Variants in GPR158 observed in about 807,000 individuals in gnomAD.
GPR158 encodes metabotropic glycine receptor.
A neutral mutation model predicts 78.2 loss-of-function variants in GPR158; 30 were observed. The observed-to-expected ratio is 0.38, with a 90% CI of 0.29 to 0.52. The LOEUF (loss-of-function observed/expected upper bound fraction) is 0.52, where lower values mean the gene tolerates loss of function less well. GPR158 is among the 20% of genes least tolerant of loss of function. GPR158 has a pLI of 0.83. For missense variants in GPR158, 1,463 were observed against 1,523.5 expected (o/e 0.96, Z 0.66); for synonymous variants, 581 against 591.1 (o/e 0.98, Z 0.25).
chr10:25,465,618 C>T (rs1372022143), intron 4 of GPR158, among the ~76,000 whole-genome samples: 1 of 152,114 alleles, frequency 6.6e-6, no homozygotes, highest in Non-Finnish European at 1.5e-5. Flanking sequence ...AGGTGAGATA[C>T]CCTTGTTATT....
chr10:25,439,404 G>T (rs898255316), intron 4 of GPR158, among the ~76,000 whole-genome samples: 1 of 152,134 alleles, frequency 6.6e-6, no homozygotes, highest in East Asian at 1.9e-4. Flanking sequence ...CCCACAATAC[G>T]TGGGAATTAT....
At chr10:25,536,602 T>G (rs1346309069) in intron 5 of GPR158, among the ~76,000 whole-genome samples, 1 of 152,226 alleles carries the variant, frequency 6.6e-6, no homozygotes, top group Non-Finnish European at 1.5e-5. Context: ...TGTTTCTGCA[T>G]TTGTCCATTT....
chr10:25,301,896 C>T (rs994365224), intron 2 of GPR158, among the ~76,000 whole-genome samples: 7 of 152,118 alleles, frequency 4.6e-5, no homozygotes, highest in Admixed American at 4.6e-4. Context: ...TGTCCTCCTA[C>T]CTCCTCTGCC....
At chr10:25,323,397 A>T (rs1193427287) in intron 2 of GPR158, among the ~76,000 whole-genome samples, 1 of 152,162 alleles carries the variant, frequency 6.6e-6, no homozygotes, top group Non-Finnish European at 1.5e-5. Flanking sequence ...GGAAACTTTG[A>T]AGCTAGGCAT....
chr10:25,218,130 T>C (rs892962822), intron 1 of GPR158, among the ~76,000 whole-genome samples: 1 of 151,814 alleles, frequency 6.6e-6, no homozygotes, highest in Non-Finnish European at 1.5e-5. Flanking sequence ...TTCTGTTATA[T>C]CCCCCAAACC....
intron 5 of GPR158, among the ~76,000 whole-genome samples, chr10:25,501,728 G>T (rs1360392874): frequency 6.6e-6 from 1 of 152,164 alleles, no homozygotes; most frequent in Non-Finnish European, 1.5e-5. Context: ...TGCAAACTGG[G>T]TTGATGAGGG....
At chr10:25,348,942 A>T (rs74123866) in intron 2 of GPR158, among the ~76,000 whole-genome samples, 8,850 of 152,072 alleles carry the variant, frequency 0.058, 656 homozygotes, top group African/African-American at 0.18. Context: ...TCTGATGTTC[A>T]TTATTATTTC....
intron 2 of GPR158, among the ~76,000 whole-genome samples, chr10:25,345,880 G>A (rs1386063723): frequency 1.3e-5 from 2 of 151,912 alleles, no homozygotes; most frequent in Non-Finnish European, 2.9e-5. Context: ...TATGGCATTA[G>A]GCAGAAGACA....
intron 5 of GPR158, among the ~76,000 whole-genome samples, chr10:25,489,111 G>A (rs766403115): frequency 6.6e-6 from 1 of 152,078 alleles, no homozygotes; most frequent in Non-Finnish European, 1.5e-5. Flanking sequence ...TGAAATCCTA[G>A]TTAAAAGGGA....
intron 1 of GPR158, among the ~76,000 whole-genome samples, chr10:25,193,033 A>AT (rs1852794994): frequency 6.6e-6 from 1 of 152,124 alleles, no homozygotes; most frequent in Admixed American, 6.6e-5. Flanking sequence ...CAATTTACGT[A>AT]TTTTCAACTT....
chr10:25,427,002 C>T (rs1407906838), intron 4 of GPR158, among the ~76,000 whole-genome samples: 1 of 151,648 alleles, frequency 6.6e-6, no homozygotes, highest in Non-Finnish European at 1.5e-5. Context: ...TATTTTTTTG[C>T]TATACATCTC....
chr10:25,303,535 G>A (rs1854628472), intron 2 of GPR158, among the ~76,000 whole-genome samples: 1 of 152,146 alleles, frequency 6.6e-6, no homozygotes, highest in Non-Finnish European at 1.5e-5. Context: ...TCATCTTCCC[G>A]AAATACCTTG....
intron 4 of GPR158, among the ~76,000 whole-genome samples, chr10:25,418,866 G>C (rs1354774836): frequency 1.3e-5 from 2 of 149,964 alleles, no homozygotes; most frequent in African/African-American, 2.5e-5. Flanking sequence ...ACTGTAGTTG[G>C]TATTTTCTCC....
intron 7 of GPR158, 143 bp downstream of exon 7, chr10:25,573,030 G>A (rs1837033236): frequency 6.3e-6 from 4 of 631,554 alleles, no homozygotes; most frequent in Non-Finnish European, 8.5e-6. Context: ...ACATGGAAAT[G>A]GCAGTAATGG....
At chr10:25,322,400 A>G (rs1347233239) in intron 2 of GPR158, among the ~76,000 whole-genome samples, 1 of 152,156 alleles carries the variant, frequency 6.6e-6, no homozygotes, top group Non-Finnish European at 1.5e-5. Context: ...AAGAAAAAAA[A>G]AGAAAAATCA....
chr10:25,319,407 C>G (rs927949592), intron 2 of GPR158, among the ~76,000 whole-genome samples: 5 of 152,086 alleles, frequency 3.3e-5, no homozygotes, highest in Non-Finnish European at 5.9e-5. Context: ...TTGTGTTAAT[C>G]TAACACAATG....
At chr10:25,215,095 A>G (rs1351494477) in intron 1 of GPR158, among the ~76,000 whole-genome samples, 1 of 152,206 alleles carries the variant, frequency 6.6e-6, no homozygotes, top group African/African-American at 2.4e-5. Flanking sequence ...TACAATAGCC[A>G]AAAGGGGGAA....
Position 25,599,437 on chromosome 10 carries a change from G to T in GPR158, c.*163G>T. On this transcript the variant is annotated 3_prime_UTR_variant, in exon 11 of 11. Transcript: ENST00000376351. ...GTAGAAGAGGACCAGGGGGGCAAGA[G>T]CAACAACGTCATAATGGAGAAGTCA... is the stretch of plus-strand genomic sequence containing the variant. The T allele has an allele frequency of 5.0e-6, 3 of 600,264 alleles. No individual in the cohort carries two copies. In the South Asian group the frequency reaches 6.4e-5, roughly 13 times the overall value. The allele number at this position is 600,264 out of a possible 1,614,324, so 37.2% of individuals were successfully genotyped here.
intron 5 of GPR158, 56 bp from the exon 6 acceptor site, chr10:25,550,920 T>G: frequency 1.2e-6 from 1 of 852,500 alleles, no homozygotes; most frequent in East Asian, 2.4e-5. Context: ...GATATTGACT[T>G]GGGTCTGTGG....
Sources: allele counts gnomAD v4.1 joint callset (sites outside exome capture counted in the v4.1 genomes callset), GRCh38; gene constraint gnomAD v4.1.1; transcripts MANE v1.5; gene names NCBI Gene and HGNC (gene_info 2026-07-23, HGNC 2026-07-21).